PTPN9: variants seen among roughly 807,000 people sequenced by gnomAD.
PTPN9 encodes tyrosine-protein phosphatase non-receptor type 9.
Under a neutral mutation model 69.8 loss-of-function variants are expected in PTPN9, and 26 were observed. That is an observed-to-expected ratio of 0.37 (90% CI 0.27 to 0.52). The LOEUF is 0.52. Ranked by LOEUF, PTPN9 falls within the 20% of genes least tolerant of loss-of-function variation. The pLI, the probability that PTPN9 is intolerant of heterozygous loss-of-function variation, is 0.91. For synonymous variants in PTPN9, 274 were observed against 272.5 expected, an observed-to-expected ratio of 1.01 and a Z score of -0.05; for missense variants, 549 against 740.3, an observed-to-expected ratio of 0.74 and a Z score of 3.00.
chr15:75,473,828 G>T, intron 9 of PTPN9, 61 bp from the exon 10 acceptor site: 1 of 1,372,466 alleles, frequency 7.3e-7, no homozygotes, highest in Non-Finnish European at 1.0e-6. Context: ...TCTTTTGTAG[G>T]CGCTTCTGTT....
At chr15:75,544,771 GC>G (rs1373717451) in intron 1 of PTPN9, among the ~76,000 whole-genome samples, 1 of 152,144 alleles carries the variant, frequency 6.6e-6, no homozygotes, top group African/African-American at 2.4e-5. Context: ...AATTTAAAGA[GC>G]TTGGTAAACA....
chr15:75,523,155 C>A lies in PTPN9; in HGVS notation c.388G>T (p.Ala130Ser). Residue 130 changes from alanine to serine, a missense_variant, in exon 4 of 13, where the codon GCT becomes TCT. Physicochemically the swap from Ala to Ser is moderately conservative, Grantham distance 99. This residue lies in a region of PTPN9 where 457 missense variants were observed against 661.9 expected (regional missense o/e 0.69). Coordinates refer to ENST00000618819, the MANE Select transcript of PTPN9 (RefSeq NM_002833.4). ...GCTCTGTCTAGCAAGTAAAACAGAG[C>A]CTGAAGTACCACATGTTGGACTGAC... ...HKSVQHVVLQ[A>S]LFYLLDRAVD... 1 of 1,613,988 alleles carries A rather than the reference C, an allele frequency of 6.2e-7. No individual in the cohort carries two copies. Among genetic ancestry groups the A allele is most frequent in the South Asian group, 1.1e-5 (1 of 91,064 alleles).
intron 4 of PTPN9, 72 bp downstream of exon 4, chr15:75,523,049 A>T: frequency 6.4e-7 from 1 of 1,570,426 alleles, no homozygotes; most frequent in East Asian, 2.2e-5. Context: ...GCACTGCTGA[A>T]TTTAATCAAG....
At chr15:75,482,847 C>T (rs1044756121) in intron 8 of PTPN9, among the ~76,000 whole-genome samples, 8 of 151,442 alleles carry the variant, frequency 5.3e-5, no homozygotes, top group African/African-American at 1.2e-4. Flanking sequence ...CCCAGCTACA[C>T]GGGAGGCTGA....
intron 1 of PTPN9, among the ~76,000 whole-genome samples, chr15:75,541,068 C>G (rs978491501): frequency 1.2e-4 from 18 of 151,660 alleles, no homozygotes; most frequent in Non-Finnish European, 2.2e-4. Flanking sequence ...AACAGTGAAA[C>G]CCTGTCTCAA....
chr15:75,530,141 A>C (rs1476581698), intron 1 of PTPN9, among the ~76,000 whole-genome samples: 6 of 142,154 alleles, frequency 4.2e-5, no homozygotes, highest in Non-Finnish European at 9.1e-5. Flanking sequence ...GTGGGGTTGT[A>C]GTGAGCCAAG....
intron 7 of PTPN9, among the ~76,000 whole-genome samples, chr15:75,499,010 A>G (rs1271468456): frequency 2.0e-5 from 3 of 152,206 alleles, no homozygotes; most frequent in Admixed American, 6.5e-5. Flanking sequence ...ATCATGGGAT[A>G]ACTGTAGAAA....
intron 4 of PTPN9, among the ~76,000 whole-genome samples, chr15:75,517,763 A>T (rs905603823): frequency 3.3e-5 from 5 of 152,206 alleles, no homozygotes; most frequent in African/African-American, 1.2e-4. Flanking sequence ...TTTCCCTTAA[A>T]GCCCCATAAA....
chr15:75,540,707 G>T (rs1046889216), intron 1 of PTPN9, among the ~76,000 whole-genome samples: 1 of 152,040 alleles, frequency 6.6e-6, no homozygotes, highest in African/African-American at 2.4e-5. Context: ...CCAGCATTTT[G>T]GGAGGCTGAG....
intron 10 of PTPN9, among the ~76,000 whole-genome samples, chr15:75,472,502 A>C (rs1020464745): frequency 4.0e-5 from 6 of 149,028 alleles, no homozygotes; most frequent in African/African-American, 7.4e-5. Context: ...AAAATAAAAT[A>C]AAATCTTCCT....
intron 7 of PTPN9, among the ~76,000 whole-genome samples, chr15:75,496,484 A>G (rs1209393699): frequency 1.4e-5 from 2 of 145,178 alleles, no homozygotes; most frequent in Non-Finnish European, 3.0e-5. Context: ...AAAAGTCACT[A>G]AAAGTATTAT....
At chr15:75,507,446 CAAAAA>C (rs762520293) in intron 6 of PTPN9, among the ~76,000 whole-genome samples, 7 of 89,174 alleles carry the variant, frequency 7.8e-5, no homozygotes, top group African/African-American at 8.1e-5. Flanking sequence ...AACTCTGTCG[CAAAAA>C]AAAAAAAAAA....
intron 5 of PTPN9, among the ~76,000 whole-genome samples, chr15:75,515,039 G>A (rs1053778620): frequency 2.0e-5 from 3 of 152,136 alleles, no homozygotes; most frequent in African/African-American, 7.2e-5. Context: ...ACTCCTAAGT[G>A]TATACCCTAG....
chr15:75,579,023 C>G lies in PTPN9; in HGVS notation c.-247G>C, dbSNP rs2075187569. The G allele has an allele frequency of 3.9e-6, 1 of 253,998 alleles. No homozygotes were observed. Among genetic ancestry groups the G allele is most frequent in the Non-Finnish European group, 7.4e-6 (1 of 134,584 alleles). 15.7% of individuals were successfully genotyped at this position (253,998 alleles called of 1,614,324 possible). A position where few individuals can be genotyped will look rare whatever the true frequency, so the allele number is the denominator to read the frequency against. ...TTTATATTATTCGCTCCGTTCCTCACACTCCCCCTTATCTCCTGGGGAAGA... is the reference window on the plus strand; with the variant it reads ...TTTATATTATTCGCTCCGTTCCTCAGACTCCCCCTTATCTCCTGGGGAAGA... On this transcript the variant is annotated 5_prime_UTR_variant, in exon 1 of 13. Coordinates refer to ENST00000618819, the MANE Select transcript of PTPN9 (RefSeq NM_002833.4).
chr15:75,570,829 C>T (rs980120321), intron 1 of PTPN9, among the ~76,000 whole-genome samples: 16 of 151,706 alleles, frequency 1.1e-4, no homozygotes, highest in Non-Finnish European at 1.6e-4. Context: ...TTAAAAACTA[C>T]ACTATAAAAA....
At chr15:75,477,307 A>C (rs2074601434) in intron 9 of PTPN9, among the ~76,000 whole-genome samples, 1 of 152,180 alleles carries the variant, frequency 6.6e-6, no homozygotes, top group African/African-American at 2.4e-5. Context: ...CATTAATAGA[A>C]ATATAGGCCA....
intron 8 of PTPN9, among the ~76,000 whole-genome samples, chr15:75,484,082 CTT>C (rs768842167): frequency 6.6e-5 from 10 of 152,128 alleles, no homozygotes; most frequent in Non-Finnish European, 1.5e-4. Context: ...TTATTTTTGT[CTT>C]AAGTTTTCAT....
chr15:75,495,829 C>CA lies in PTPN9; in HGVS notation c.969-5529dup, dbSNP rs547064054. Among the ~76,000 whole-genome samples the CA allele has an allele frequency of 1.3e-3, 197 of 152,052 alleles. 1 individual carries two copies. The highest frequency in any genetic ancestry group is 1.3e-3 in the Non-Finnish European group (85 of 67,978). ...ATCTGGTAATTAACTCCAGAAGAAACAAAAAATTGAATTGATAAGATCATT... is the reference window on the plus strand; with the variant it reads ...ATCTGGTAATTAACTCCAGAAGAAACAAAAAAATTGAATTGATAAGATCATT... On this transcript the variant is annotated intron_variant, in intron 7 of 12. Coordinates refer to ENST00000618819, the MANE Select transcript of PTPN9 (RefSeq NM_002833.4).
intron 2 of PTPN9, among the ~76,000 whole-genome samples, chr15:75,526,182 C>T (rs535365406): frequency 2.2e-4 from 33 of 151,800 alleles, no homozygotes; most frequent in Non-Finnish European, 3.5e-4. Context: ...AGTAGAGATG[C>T]GGTTTTGCCA....
Sources: gnomAD v4.1 joint callset for allele counts (sites outside exome capture counted in the v4.1 genomes callset) on GRCh38, gnomAD v4.1.1 for gene constraint, gnomAD v4.1.1 regional missense constraint, MANE v1.5 for transcripts, NCBI Gene and HGNC (gene_info 2026-07-23, HGNC 2026-07-21) for gene names.